The following MET variants were observed in gnomAD, a reference collection of about 807,000 sequenced individuals.
The protein encoded by MET is MET proto-oncogene, receptor tyrosine kinase.
A neutral mutation model predicts 133.1 loss-of-function variants in MET; 48 were observed. The observed-to-expected ratio is 0.36, with a 90% CI of 0.29 to 0.46. The LOEUF (loss-of-function observed/expected upper bound fraction) is 0.46. MET is among the 20% of genes least tolerant of loss of function. MET has a pLI of 1.00. For synonymous variants in MET, 628 were observed against 616.5 expected, an observed-to-expected ratio of 1.02 and a Z score of -0.28; for missense variants, 1,442 against 1,695.9, an observed-to-expected ratio of 0.85 and a Z score of 2.63.
chr7:116,769,189 G>A (rs926065995), intron 11 of MET, among the ~76,000 whole-genome samples: 3 of 152,102 alleles, frequency 2.0e-5, no homozygotes, highest in Non-Finnish European at 4.4e-5. Flanking sequence ...GATGAGACCC[G>A]GACATCAGTA....
At chr7:116,712,965 C>T (rs183169084) in intron 2 of MET, among the ~76,000 whole-genome samples, 4 of 152,264 alleles carry the variant, frequency 2.6e-5, no homozygotes, top group Non-Finnish European at 5.9e-5. Flanking sequence ...GTAAGAGGGA[C>T]TTTACGCAAT....
intron 2 of MET, among the ~76,000 whole-genome samples, chr7:116,716,529 GA>G (rs1792244560): frequency 2.1e-5 from 3 of 142,920 alleles, no homozygotes; most frequent in Non-Finnish European, 3.1e-5. Flanking sequence ...AAGAAAGAAA[GA>G]AAGAAAGAAG....
At chr7:116,717,982 G>C (rs1330412416) in intron 2 of MET, among the ~76,000 whole-genome samples, 1 of 152,162 alleles carries the variant, frequency 6.6e-6, no homozygotes, top group African/African-American at 2.4e-5. Context: ...TAGATTAATT[G>C]ATGTATCACA....
chr7:116,724,789 T>A lies in MET; in HGVS notation c.1201-6879T>A, dbSNP rs758046215. ...CTTTACAGGCAGAAAATGTGCTAGA[T>A]TGGAGGTGAAGACCCTGGAGCCAGA... On this transcript the variant is annotated intron_variant, in intron 2 of 20. Coordinates refer to ENST00000397752, the MANE Select transcript of MET (RefSeq NM_000245.4). 3.9e-6 allele frequency: 5 copies of A among 1,285,482 alleles called. No individual in the cohort carries two copies. The South Asian group carries it at 6.2e-5, about 16-fold the overall frequency. The allele number at this position is 1,285,482 out of a possible 1,614,324, so 79.6% of individuals were successfully genotyped here. A position where few individuals can be genotyped will look rare whatever the true frequency, so the allele number is the denominator to read the frequency against.
At chr7:116,703,434 T>C (rs1459906012) in intron 2 of MET, among the ~76,000 whole-genome samples, 1 of 152,188 alleles carries the variant, frequency 6.6e-6, no homozygotes, top group Non-Finnish European at 1.5e-5. Flanking sequence ...TTGATTGAAG[T>C]TGTTTTAGGC....
intron 19 of MET, among the ~76,000 whole-genome samples, chr7:116,794,707 A>G (rs972794461): frequency 4.0e-5 from 6 of 151,494 alleles, no homozygotes; most frequent in African/African-American, 1.5e-4. Flanking sequence ...TATGCTTCCT[A>G]CTCTTAGAGT....
chr7:116,775,244 T>C (rs1459947806), intron 15 of MET, 133 bp downstream of exon 15: 1 of 842,808 alleles, frequency 1.2e-6, no homozygotes, highest in Non-Finnish European at 2.0e-6. Context: ...GTACTTGATT[T>C]CTGTTCTATA....
At chr7:116,694,980 T>C (rs1424731779) in intron 1 of MET, among the ~76,000 whole-genome samples, 1 of 152,164 alleles carries the variant, frequency 6.6e-6, no homozygotes, top group African/African-American at 2.4e-5. Flanking sequence ...TGAAGGCTCC[T>C]TCAAAAAGCC....
chr7:116,682,067 A>G (rs1461873101), intron 1 of MET, among the ~76,000 whole-genome samples: 1 of 152,198 alleles, frequency 6.6e-6, no homozygotes, highest in Non-Finnish European at 1.5e-5. Flanking sequence ...TACTTGGATT[A>G]TTGTTCATTG....
chr7:116,774,810 C>G (rs1223250156), intron 14 of MET, 71 bp from the exon 15 acceptor site: 1 of 1,155,958 alleles, frequency 8.7e-7, no homozygotes, highest in African/African-American at 1.5e-5. Flanking sequence ...ATTATAAAAG[C>G]TCTTCCTGTT....
At chr7:116,743,111 C>T (rs1034287073) in intron 5 of MET, among the ~76,000 whole-genome samples, 2 of 152,172 alleles carry the variant, frequency 1.3e-5, no homozygotes, top group Admixed American at 1.3e-4. Flanking sequence ...GGGATGTTGC[C>T]TCACCTGGGA....
intron 2 of MET, among the ~76,000 whole-genome samples, chr7:116,721,307 G>C (rs1231575293): frequency 6.6e-6 from 1 of 152,164 alleles, no homozygotes; most frequent in Admixed American, 6.5e-5. Context: ...ATGGTAGTTT[G>C]TATTTCTGTG....
intron 6 of MET, among the ~76,000 whole-genome samples, chr7:116,755,766 A>T (rs1794154792): frequency 6.6e-6 from 1 of 152,202 alleles, no homozygotes; most frequent in Admixed American, 6.5e-5. Flanking sequence ...TCAACCATTT[A>T]TGCGACAAGT....
intron 2 of MET, among the ~76,000 whole-genome samples, chr7:116,709,812 T>G (rs192669437): frequency 4.0e-4 from 61 of 152,272 alleles, no homozygotes; most frequent in Non-Finnish European, 7.4e-4. Flanking sequence ...ACTATTTTTC[T>G]TCATGTATTC....
chr7:116,716,401 A>T (rs1792209993), intron 2 of MET, among the ~76,000 whole-genome samples: 1 of 150,302 alleles, frequency 6.7e-6, no homozygotes, highest in East Asian at 2.0e-4. Flanking sequence ...AGAAAGAGAA[A>T]TATGAAAGAA....
At chr7:116,754,885 GAGAAAGAGAGAAAGAA>G (rs1238803216) in intron 5 of MET, among the ~76,000 whole-genome samples, 66 of 97,744 alleles carry the variant, frequency 6.8e-4, no homozygotes, top group South Asian at 7.0e-4. Context: ...GAGAGAGAGA[GAGAAAGAGAGAAAGAA>G]AGAAAGAAAG....
At chr7:116,673,285 C>A (rs891867356) in intron 1 of MET, among the ~76,000 whole-genome samples, 1 of 152,188 alleles carries the variant, frequency 6.6e-6, no homozygotes, top group African/African-American at 2.4e-5. Flanking sequence ...TTTAAAAGAG[C>A]CATTTGCTAA....
rs1475793487 is a variant in MET, at chr7:116,699,072, T to A, written c.-13T>A. 6.2e-7 allele frequency: 1 copy of A among 1,613,682 alleles called. No individual in the cohort carries two copies. Among genetic ancestry groups the A allele is most frequent in the African/African-American group, 1.3e-5 (1 of 74,872 alleles). ...CTCGCCTTGAACCTGTTTTGGCAGA[T>A]AAACCTCTCATAATGAAGGCCCCCG... On this transcript the variant is annotated splice_region_variant and 5_prime_UTR_variant, in exon 2 of 21. Coordinates refer to ENST00000397752, the MANE Select transcript of MET (RefSeq NM_000245.4).
chr7:116,706,242 C>A (rs944899941), intron 2 of MET, among the ~76,000 whole-genome samples: 5 of 152,052 alleles, frequency 3.3e-5, no homozygotes, highest in African/African-American at 9.7e-5. Flanking sequence ...ATTAATTTGA[C>A]ATTATTCTTA....
Sources: allele counts gnomAD v4.1 joint callset (sites outside exome capture counted in the v4.1 genomes callset), GRCh38; gene constraint gnomAD v4.1.1; transcripts MANE v1.5; gene names NCBI Gene and HGNC (gene_info 2026-07-23, HGNC 2026-07-21).